SH3BGR: variants seen among roughly 807,000 people sequenced by gnomAD.
SH3BGR encodes SH3 domain-binding glutamic acid-rich protein.
A neutral mutation model predicts 24.5 loss-of-function variants in SH3BGR; 29 were observed. That is an observed-to-expected ratio of 1.18 (90% CI 0.88 to 1.61). The LOEUF (loss-of-function observed/expected upper bound fraction) is 1.61, where lower values mean the gene tolerates loss of function less well. Ranked by LOEUF, SH3BGR falls within the 40% of genes most tolerant of loss-of-function variation. The pLI is 0.00. For missense variants in SH3BGR, 162 were observed against 205.8 expected (o/e 0.79, Z 1.30); for synonymous variants, 55 against 65.7 (o/e 0.84, Z 0.79).
chr21:39,492,466 G>GTGTGTGTGTGTATA (rs1404293146), intron 3 of SH3BGR, among the ~76,000 whole-genome samples: 22 of 139,728 alleles, frequency 1.6e-4, no homozygotes, highest in African/African-American at 4.6e-4. Flanking sequence ...GTGTGTGTGT[G>GTGTGTGTGTGTATA]TATATATATA....
At chr21:39,479,271 G>A (rs1249218927) in intron 3 of SH3BGR, among the ~76,000 whole-genome samples, 1 of 150,600 alleles carries the variant, frequency 6.6e-6, no homozygotes, top group Admixed American at 6.6e-5. Flanking sequence ...GGTAGTGCTG[G>A]TGGTGATAGT....
chr21:39,448,851 C>T (rs1218569026), upstream of SH3BGR, among the ~76,000 whole-genome samples: 3 of 152,184 alleles, frequency 2.0e-5, no homozygotes, highest in Non-Finnish European at 4.4e-5. Flanking sequence ...GATAGACTGC[C>T]TGATGCCAGC....
intron 1 of SH3BGR, among the ~76,000 whole-genome samples, chr21:39,458,471 G>A (rs1485748287): frequency 1.3e-5 from 2 of 150,658 alleles, no homozygotes; most frequent in Non-Finnish European, 1.5e-5. Context: ...CCTGAGTAGC[G>A]GGATTACAGA....
intron 2 of SH3BGR, among the ~76,000 whole-genome samples, chr21:39,468,399 T>A (rs1171681941): frequency 1.3e-5 from 2 of 152,236 alleles, no homozygotes; most frequent in East Asian, 3.8e-4. Context: ...GGAAGCCCTC[T>A]GTGTGCCTCT....
Position 39,514,249 on chromosome 21 carries a change from A to G in SH3BGR, c.*35-839A>G, listed in dbSNP as rs145090207. Among the ~76,000 whole-genome samples the G allele has an allele frequency of 3.0e-3, 461 of 152,354 alleles. 3 individuals carry two copies. Among genetic ancestry groups the G allele is most frequent in the African/African-American group, 0.011 (441 of 41,580 alleles). On this transcript the variant is annotated intron_variant, in intron 6 of 6. Transcript: ENST00000333634. Reference sequence around the variant, plus strand: ...CCATCTCATAACTCATAGATTATCCATGCATTTTATTTGAAAAGACGATTT... The same window carrying G: ...CCATCTCATAACTCATAGATTATCCGTGCATTTTATTTGAAAAGACGATTT...
chr21:39,458,647 C>CTT (rs569511494), intron 1 of SH3BGR, among the ~76,000 whole-genome samples: 23,264 of 130,056 alleles, frequency 0.18, 2,190 homozygotes, highest in Middle Eastern at 0.28. Context: ...CTAAATCTCA[C>CTT]TTTTTTTTTT....
intron 6 of SH3BGR, among the ~76,000 whole-genome samples, chr21:39,512,776 A>G (rs1176023670): frequency 3.9e-5 from 6 of 152,314 alleles, no homozygotes; most frequent in South Asian, 4.1e-4. Context: ...TGGGTGACAG[A>G]GCAAGACTCT....
intron 3 of SH3BGR, 76 bp from the exon 4 acceptor site, chr21:39,499,747 C>A: frequency 9.5e-7 from 1 of 1,054,742 alleles, no homozygotes; most frequent in Non-Finnish European, 1.4e-6. Context: ...ATAAGAAAGC[C>A]ACAGCATATG....
rs2078007672 is a variant in SH3BGR at position 39,475,204 on chromosome 21, C to G, written c.301C>G (p.Pro101Ala). ...TTCCTTCCTTGGTTTGGCTCCTCCTCCAGACTCAAAGGTAAGTTTGAACAA... is the reference window on the plus strand; with the variant it reads ...TTCCTTCCTTGGTTTGGCTCCTCCTGCAGACTCAAAGGTAAGTTTGAACAA... ...IYSFLGLAPP[P>A]DSKGSEKAEE... Residue 101 changes from proline (P) to alanine (A), a missense_variant, in exon 3 of 7, where the codon CCA (proline) becomes GCA (alanine). Coordinates refer to ENST00000333634, the MANE Select transcript of SH3BGR (RefSeq NM_007341.3). 3.7e-6 allele frequency: 6 copies of G among 1,606,754 alleles called. No individual in the cohort carries two copies. The highest frequency in any genetic ancestry group is 8.5e-7 in the Non-Finnish European group (1 of 1,173,538).
intron 3 of SH3BGR, among the ~76,000 whole-genome samples, chr21:39,492,481 T>TACACAC (rs900456010): frequency 1.1e-4 from 9 of 81,546 alleles, no homozygotes; most frequent in Non-Finnish European, 1.2e-4. Context: ...TATATATATA[T>TACACAC]ACACACACAC....
chr21:39,502,451 A>G lies in SH3BGR; in HGVS notation c.405+2536A>G, dbSNP rs559994638. 5.6e-4 allele frequency among the ~76,000 whole-genome samples: 86 copies of G among 152,292 alleles called. 1 individual carries two copies. Among genetic ancestry groups the G allele is most frequent in the African/African-American group, 1.9e-3 (80 of 41,550 alleles). ...TCTTGGCTTGCTGTGGTTAAAACAG[A>G]GGTGCTCCCCTGGGCTTCCCTCATT... On this transcript the variant is annotated intron_variant, in intron 4 of 6. Coordinates refer to ENST00000333634, the MANE Select transcript of SH3BGR (RefSeq NM_007341.3).
intron 4 of SH3BGR, among the ~76,000 whole-genome samples, chr21:39,500,772 C>T (rs986389853): frequency 6.6e-6 from 1 of 152,036 alleles, no homozygotes; most frequent in South Asian, 2.1e-4. Flanking sequence ...AGAGCTGGAT[C>T]CTCATTCACC....
chr21:39,495,034 G>A (rs1471623929), intron 3 of SH3BGR, among the ~76,000 whole-genome samples: 1 of 151,932 alleles, frequency 6.6e-6, no homozygotes, highest in East Asian at 1.9e-4. Flanking sequence ...ATTCTGAAAT[G>A]TTACACTTGT....
chr21:39,449,816 C>CACAG (rs2077553061), upstream of SH3BGR, among the ~76,000 whole-genome samples: 1 of 152,106 alleles, frequency 6.6e-6, no homozygotes, highest in African/African-American at 2.4e-5. Flanking sequence ...AATAATGGAA[C>CACAG]ACAGTTTTAG....
At chr21:39,483,331 A>G (rs2837046) in intron 3 of SH3BGR, among the ~76,000 whole-genome samples, 83,849 of 152,084 alleles carry the variant, frequency 0.55, 23,569 homozygotes, top group East Asian at 0.68. Context: ...GTTGATCAAC[A>G]TAGATATTGC....
At chr21:39,460,953 T>G (rs573412637) in intron 1 of SH3BGR, among the ~76,000 whole-genome samples, 11 of 152,208 alleles carry the variant, frequency 7.2e-5, no homozygotes, top group Non-Finnish European at 1.5e-4. Context: ...TTGTCTGGCC[T>G]CTTTTTTCTC....
At chr21:39,455,236 T>C (rs1289343735) in intron 1 of SH3BGR, among the ~76,000 whole-genome samples, 1 of 152,184 alleles carries the variant, frequency 6.6e-6, no homozygotes, top group Admixed American at 6.5e-5. Flanking sequence ...AATACTTTCT[T>C]ATAAGTAAAT....
At chr21:39,499,639 G>T (rs1239662362) in intron 3 of SH3BGR, among the ~76,000 whole-genome samples, 184 bp from the exon 4 acceptor site, 1 of 152,168 alleles carries the variant, frequency 6.6e-6, no homozygotes, top group African/African-American at 2.4e-5. Flanking sequence ...ACTTATCCCA[G>T]TCGGCATTTT....
intron 4 of SH3BGR, among the ~76,000 whole-genome samples, chr21:39,502,126 T>G (rs1423921055): frequency 6.6e-6 from 1 of 152,186 alleles, no homozygotes; most frequent in Non-Finnish European, 1.5e-5. Context: ...TGAGCTGAGA[T>G]CGTGCCACTG....
Sources: allele counts gnomAD v4.1 joint callset (sites outside exome capture counted in the v4.1 genomes callset), GRCh38; gene constraint gnomAD v4.1.1; transcripts MANE v1.5; gene names NCBI Gene and HGNC (gene_info 2026-07-23, HGNC 2026-07-21).